The following SHISAL1 variants were observed in gnomAD, a reference collection of about 807,000 sequenced individuals.
The protein encoded by SHISAL1 is shisa like 1.
In SHISAL1, 9 loss-of-function variants were observed where a neutral mutation model predicts 22.6. The ratio of observed to expected loss-of-function variants is 0.40; its 90% CI spans 0.24 to 0.70. The LOEUF is 0.70. Ranked by LOEUF, SHISAL1 falls within the 30% of genes least tolerant of loss-of-function variation. The probability of loss-of-function intolerance (pLI) is 0.39; values close to 1 mark genes in which losing one functional copy is unlikely to be tolerated. For missense variants in SHISAL1, 246 were observed against 270.6 expected, an observed-to-expected ratio of 0.91 and a Z score of 0.64; for synonymous variants, 119 against 115.4, an observed-to-expected ratio of 1.03 and a Z score of -0.20.
chr22:44,309,253 G>C lies in SHISAL1; in HGVS notation c.-33+3498C>G, dbSNP rs543641428. 4.6e-4 allele frequency among the ~76,000 whole-genome samples: 70 copies of C among 152,324 alleles called. 2 individuals are homozygous for C. Among genetic ancestry groups the C allele is most frequent in the Non-Finnish European group, 7.9e-4 (54 of 68,002 alleles). On this transcript the variant is annotated intron_variant, in intron 1 of 4. Coordinates refer to ENST00000381176, the MANE Select transcript of SHISAL1 (RefSeq NM_001099294.2). ...CCGCTGCCATAAGGCTTACAGCCTG[G>C]GGGGAGGCGGTCACAGACAGTAGAT...
intron 2 of SHISAL1, among the ~76,000 whole-genome samples, chr22:44,297,939 C>G (rs887181994): frequency 6.6e-6 from 1 of 152,232 alleles, no homozygotes; most frequent in Non-Finnish European, 1.5e-5. Context: ...CCACACAGCT[C>G]CCCACCTACC....
chr22:44,307,083 G>T (rs1372092610), intron 1 of SHISAL1, among the ~76,000 whole-genome samples: 1 of 152,332 alleles, frequency 6.6e-6, no homozygotes, highest in East Asian at 1.9e-4. Flanking sequence ...CCCCACAAAT[G>T]AGGTCTGTGG....
intron 4 of SHISAL1, 32 bp downstream of exon 4, chr22:44,285,396 A>C (rs374878419): frequency 6.2e-7 from 1 of 1,601,546 alleles, no homozygotes; most frequent in African/African-American, 1.3e-5. Flanking sequence ...CAATGACCCA[A>C]ATCATTCTGG....
At chr22:44,318,215 G>A in the SHISAL1 span, among the ~76,000 whole-genome samples, 6 of 152,266 alleles carry the variant, frequency 3.9e-5, no homozygotes, top group African/African-American at 1.4e-4. Context: ...TTCCAAAAAG[G>A]AACATCCCTT....
chr22:44,264,654 A>G (rs1452006479), intron 4 of SHISAL1, among the ~76,000 whole-genome samples: 2 of 152,202 alleles, frequency 1.3e-5, no homozygotes, highest in Non-Finnish European at 2.9e-5. Context: ...AGAGTCCTAC[A>G]GGCCCCAGCC....
intron 4 of SHISAL1, among the ~76,000 whole-genome samples, chr22:44,267,303 G>A (rs1423020026): frequency 6.6e-6 from 1 of 152,000 alleles, no homozygotes; most frequent in African/African-American, 2.4e-5. Context: ...AACACTCCAT[G>A]CTGCTGAGAC....
the SHISAL1 span, among the ~76,000 whole-genome samples, chr22:44,331,061 C>T: frequency 1.3e-5 from 2 of 152,106 alleles, no homozygotes; most frequent in Non-Finnish European, 2.9e-5. This position sits in a 1 kb window ranked among gnomAD's most constrained non-coding sequence, Gnocchi z 5.2. Flanking sequence ...AGCCAGTCCC[C>T]CCCTTGGACG....
intron 1 of SHISAL1, among the ~76,000 whole-genome samples, chr22:44,305,355 T>C (rs1479053941): frequency 6.6e-6 from 1 of 152,198 alleles, no homozygotes; most frequent in Non-Finnish European, 1.5e-5. Context: ...CGTTATGCGA[T>C]TCTTCCCAGG....
At chr22:44,280,770 G>A (rs1267240981) in intron 4 of SHISAL1, among the ~76,000 whole-genome samples, 4 of 152,132 alleles carry the variant, frequency 2.6e-5, no homozygotes, top group Admixed American at 2.6e-4. Context: ...ACTGCACTGA[G>A]AGGCCAGCCC....
intron 4 of SHISAL1, among the ~76,000 whole-genome samples, chr22:44,254,365 A>G (rs1185557288): frequency 1.3e-5 from 2 of 151,950 alleles, no homozygotes; most frequent in Admixed American, 1.3e-4. Flanking sequence ...TGTTTAAATT[A>G]TTATTTTTTT....
chr22:44,305,094 C>T (rs2055461094), intron 1 of SHISAL1, among the ~76,000 whole-genome samples: 1 of 152,210 alleles, frequency 6.6e-6, no homozygotes, highest in Non-Finnish European at 1.5e-5. Context: ...TTAGAAGCTG[C>T]TTCAGTACTA....
At chr22:44,324,765 A>G in the SHISAL1 span, among the ~76,000 whole-genome samples, 3 of 152,160 alleles carry the variant, frequency 2.0e-5, no homozygotes, top group Non-Finnish European at 4.4e-5. Flanking sequence ...CCTGCCTGAG[A>G]TCAGCACCCG....
the SHISAL1 span, among the ~76,000 whole-genome samples, chr22:44,330,925 C>T: frequency 1.3e-5 from 2 of 152,050 alleles, no homozygotes; most frequent in African/African-American, 4.8e-5. Flanking sequence ...AGGGGTCCTT[C>T]TACCCGTCCC....
At chr22:44,289,908 T>G (rs1182846121) in intron 3 of SHISAL1, among the ~76,000 whole-genome samples, 6 of 152,242 alleles carry the variant, frequency 3.9e-5, no homozygotes, top group African/African-American at 1.2e-4. Context: ...TGGAGCAAGA[T>G]GTGAAGGCAG....
At chr22:44,327,451 G>A in the SHISAL1 span, among the ~76,000 whole-genome samples, 2 of 152,154 alleles carry the variant, frequency 1.3e-5, no homozygotes, top group African/African-American at 4.8e-5. Context: ...GGAAAAGGAG[G>A]AAGGGGCTCA....
intron 4 of SHISAL1, among the ~76,000 whole-genome samples, chr22:44,264,594 A>T (rs1369351173): frequency 6.6e-6 from 1 of 152,046 alleles, no homozygotes; most frequent in African/African-American, 2.4e-5. Context: ...TCCATGGGGC[A>T]CCTCGGGCAT....
chr22:44,330,776 A>G, the SHISAL1 span, among the ~76,000 whole-genome samples: 1 of 152,144 alleles, frequency 6.6e-6, no homozygotes, highest in Non-Finnish European at 1.5e-5. Flanking sequence ...AACCACGGGC[A>G]CTAATGAGCT....
chr22:44,261,742 C>T (rs552950812), intron 4 of SHISAL1, among the ~76,000 whole-genome samples: 593 of 152,392 alleles, frequency 3.9e-3, no homozygotes, highest in Non-Finnish European at 6.0e-3. Flanking sequence ...GCCTTGGTCA[C>T]ATACCCGTGA....
intron 4 of SHISAL1, among the ~76,000 whole-genome samples, chr22:44,272,331 T>C (rs1199238409): frequency 6.6e-6 from 1 of 152,218 alleles, no homozygotes; most frequent in African/African-American, 2.4e-5. Context: ...GCTGAAGACA[T>C]TGATTTTTCC....
Sources: gnomAD v4.1 joint callset for allele counts (sites outside exome capture counted in the v4.1 genomes callset) on GRCh38, gnomAD v4.1.1 for gene constraint, Gnocchi (gnomAD v3.1) non-coding constraint, MANE v1.5 for transcripts, NCBI Gene and HGNC (gene_info 2026-07-23, HGNC 2026-07-21) for gene names.